The following FRMD1 variants were observed in gnomAD, a reference collection of about 807,000 sequenced individuals.
The protein encoded by FRMD1 is FERM domain containing 1.
In FRMD1, 51 loss-of-function variants were observed where a neutral mutation model predicts 54.9. The observed-to-expected ratio is 0.93, with a 90% CI of 0.74 to 1.17. The LOEUF is 1.17. Ranked by LOEUF, FRMD1 falls within the 50% of genes most tolerant of loss-of-function variation. The probability of loss-of-function intolerance (pLI) is 0.00; values close to 1 mark genes in which losing one functional copy is unlikely to be tolerated. For missense variants in FRMD1, 729 were observed against 743.0 expected (o/e 0.98, Z 0.22); for synonymous variants, 324 against 306.4 (o/e 1.06, Z -0.60).
intron 2 of FRMD1, among the ~76,000 whole-genome samples, chr6:168,072,833 C>A (rs1800377955): frequency 6.6e-6 from 1 of 152,204 alleles, no homozygotes; most frequent in Non-Finnish European, 1.5e-5. Flanking sequence ...TTTCTAAAAT[C>A]ACAGAGAGAT....
Position 168,065,729 on chromosome 6 carries a change from A to G in FRMD1, c.462-672T>C, listed in dbSNP as rs1799993225. ...TCTCCAGGGCTCTCCACACAACCAC[A>G]CACCTTTCACTCTCCAGAACCCTCC... On this transcript the variant is annotated intron_variant, in intron 4 of 10. Coordinates refer to ENST00000283309, the MANE Select transcript of FRMD1 (RefSeq NM_024919.6). 3 of 987,644 alleles carry G rather than the reference A, an allele frequency of 3.0e-6. No homozygotes were observed. The South Asian group carries it at 1.4e-4, about 46-fold the overall frequency. 61.2% of individuals were successfully genotyped at this position (987,644 alleles called of 1,614,324 possible).
rs149689154 is a variant in FRMD1 at position 168,069,407 on chromosome 6, C to T, written c.305-1961G>A. 5.5e-4 allele frequency among the ~76,000 whole-genome samples: 84 copies of T among 152,294 alleles called. 2 individuals are homozygous for T. The East Asian group carries it at 0.013, about 23-fold the overall frequency. On this transcript the variant is annotated intron_variant, in intron 2 of 10. Transcript: ENST00000283309. ...TTTACAGAAAAAGTCTGCCAATGCC[C>T]GGTCTAAGCAAATGCCGAGTGAAAA...
intron 2 of FRMD1, 143 bp downstream of exon 2, chr6:168,075,102 T>C (rs1474674959): frequency 4.3e-6 from 3 of 698,182 alleles, no homozygotes; most frequent in African/African-American, 3.5e-5. Flanking sequence ...TAACTGTGCA[T>C]TGTGCATGGT....
chr6:168,067,299 C>G, intron 3 of FRMD1, 68 bp downstream of exon 3: 1 of 1,011,472 alleles, frequency 9.9e-7, no homozygotes, highest in Non-Finnish European at 1.5e-6. Flanking sequence ...TCCCACCCCA[C>G]GTGTCCCCGT....
At chr6:168,085,420 C>G (rs1800900953), upstream of FRMD1, among the ~76,000 whole-genome samples, 1 of 152,208 alleles carries the variant, frequency 6.6e-6, no homozygotes, top group South Asian at 2.1e-4. Flanking sequence ...GGAGCCCTCT[C>G]AAAGGCTTGG....
intron 2 of FRMD1, among the ~76,000 whole-genome samples, chr6:168,070,718 G>A (rs539745785): frequency 1.3e-5 from 2 of 152,306 alleles, no homozygotes; most frequent in South Asian, 2.1e-4. Flanking sequence ...AAATGGGATC[G>A]GAAGGATACG....
intron 2 of FRMD1, among the ~76,000 whole-genome samples, chr6:168,068,117 A>T (rs1263186555): frequency 6.6e-6 from 1 of 152,140 alleles, no homozygotes; most frequent in Non-Finnish European, 1.5e-5. Flanking sequence ...TGCCTCAAAC[A>T]ATCAAGCAAT....
intron 4 of FRMD1, 184 bp downstream of exon 4, chr6:168,066,571 C>T: frequency 7.1e-7 from 1 of 1,407,316 alleles, no homozygotes; most frequent in Admixed American, 3.4e-5. Flanking sequence ...AGTCTGTATA[C>T]CTTTCGATTA....
upstream of FRMD1, among the ~76,000 whole-genome samples, chr6:168,085,991 G>A (rs1351629155): frequency 2.0e-5 from 3 of 152,258 alleles, no homozygotes; most frequent in Non-Finnish European, 4.4e-5. Flanking sequence ...GCGAAAAAGT[G>A]CAAAGAGTAG....
At chr6:168,066,452 T>A (rs1355623806) in intron 4 of FRMD1, 5 of 753,224 alleles carry the variant, frequency 6.6e-6, no homozygotes, top group Non-Finnish European at 8.6e-6. Flanking sequence ...GAGTCGAGAT[T>A]GTGCCATTGC....
chr6:168,063,803 C>T (rs1201601931), intron 5 of FRMD1, 47 bp from the exon 6 acceptor site: 4 of 1,552,056 alleles, frequency 2.6e-6, no homozygotes, highest in African/African-American at 1.4e-5. Flanking sequence ...CTGGTCCCCC[C>T]TTCCTCCTTG....
At chr6:168,060,736 G>T (rs1353509200) in intron 9 of FRMD1, 25 bp downstream of exon 9, 1 of 1,593,698 alleles carries the variant, frequency 6.3e-7, no homozygotes. Flanking sequence ...TGTCCCTGAG[G>T]CCTGGGCATC....
chr6:168,053,642 C>T lies in FRMD1; in HGVS notation c.*3455G>A, dbSNP rs3734892. 55,368 of 152,048 alleles carry T rather than the reference C, an allele frequency of 0.36. 10,275 individuals are homozygous for T. The highest frequency in any genetic ancestry group is 0.46 in the African/African-American group (18,990 of 41,424). 9.4% of individuals were successfully genotyped at this position (152,048 alleles called of 1,614,324 possible). ...AGGGGCCGCCTGTCCCAAACACGGA[C>T]GGCTTTTTCTGCAAGTTTTACAAAC... On this transcript the variant is annotated 3_prime_UTR_variant, in exon 11 of 11. Transcript: ENST00000283309.
chr6:168,057,479 C>A, intron 10 of FRMD1, 140 bp from the exon 11 acceptor site: 2 of 1,300,324 alleles, frequency 1.5e-6, no homozygotes, highest in Non-Finnish European at 2.1e-6. Flanking sequence ...GCCGGCCTGC[C>A]CCTGGACGGG....
Position 168,057,067 on chromosome 6 carries a change from G to A in FRMD1, c.*30C>T. ...GGGTGGGCAGGGGCTGAGCCTGGCG[G>A]TGCGGACGGTACTGCTGGGTGGGTG... On this transcript the variant is annotated 3_prime_UTR_variant, in exon 11 of 11. Coordinates refer to ENST00000283309, the MANE Select transcript of FRMD1 (RefSeq NM_024919.6). 6.9e-7 allele frequency: 1 copy of A among 1,445,340 alleles called. No individual in the cohort carries two copies. The highest frequency in any genetic ancestry group is 1.5e-5 in the South Asian group (1 of 66,964). 89.5% of individuals were successfully genotyped at this position (1,445,340 alleles called of 1,614,324 possible). A position where few individuals can be genotyped will look rare whatever the true frequency, so the allele number is the denominator to read the frequency against.
chr6:168,062,972 G>C lies in FRMD1; in HGVS notation c.805-13C>G. ...CTTCCTTCTTATCCTAGAGGACACA[G>C]GTCAGAGGTCAAGTTGCAGGCCTGG... On this transcript the variant is annotated splice_polypyrimidine_tract_variant and intron_variant, in intron 6 of 10. Transcript: ENST00000283309. The C allele has an allele frequency of 2.5e-6, 4 of 1,612,408 alleles. No individual in the cohort carries two copies. The highest frequency in any genetic ancestry group is 4.5e-5 in the East Asian group (2 of 44,876).
At chr6:168,081,485 C>T (rs564077802), upstream of FRMD1, 1 of 1,534,828 alleles carries the variant, frequency 6.5e-7, no homozygotes, top group African/African-American at 1.4e-5. Context: ...CATGGCTGAG[C>T]CCTGGAGTCC....
chr6:168,077,836 G>A (rs139204624), intron 1 of FRMD1, among the ~76,000 whole-genome samples: 2 of 152,338 alleles, frequency 1.3e-5, no homozygotes, highest in East Asian at 1.9e-4. Context: ...CCCTCCCCCA[G>A]CCCGAGGCAC....
intron 2 of FRMD1, among the ~76,000 whole-genome samples, chr6:168,069,708 C>T (rs1800204659): frequency 6.6e-6 from 1 of 152,154 alleles, no homozygotes; most frequent in Non-Finnish European, 1.5e-5. Flanking sequence ...AGGACTTAAC[C>T]TCAAACACTA....
Sources: allele counts gnomAD v4.1 joint callset (sites outside exome capture counted in the v4.1 genomes callset), GRCh38; gene constraint gnomAD v4.1.1; transcripts MANE v1.5; gene names NCBI Gene and HGNC (gene_info 2026-07-23, HGNC 2026-07-21).